Variants in SMG6 observed in about 807,000 individuals in gnomAD.
SMG6 encodes the protein SMG6 nonsense mediated mRNA decay factor, also known as telomerase-binding protein EST1A.
In SMG6, 66 loss-of-function variants were observed where a neutral mutation model predicts 142.2. The observed-to-expected ratio is 0.46, with a 90% confidence interval of 0.38 to 0.57. SMG6 has a LOEUF of 0.57. Among genes scored for constraint, SMG6 ranks in the 20% least tolerant of loss-of-function variants. The pLI is 0.00. For missense variants in SMG6, 1,793 were observed against 1,832.0 expected, an observed-to-expected ratio of 0.98 and a Z score of 0.39; for synonymous variants, 779 against 702.4, an observed-to-expected ratio of 1.11 and a Z score of -1.72.
At chr17:2,136,205 G>A (rs1842258199) in intron 13 of SMG6, among the ~76,000 whole-genome samples, 1 of 151,884 alleles carries the variant, frequency 6.6e-6, no homozygotes, top group Admixed American at 6.6e-5. Context: ...GGGATTACAG[G>A]CATGCACACC....
intron 9 of SMG6, chr17:2,237,032 T>A: frequency 6.0e-6 from 1 of 166,804 alleles, no homozygotes; most frequent in Non-Finnish European, 1.2e-5. Context: ...CTAAACTCTC[T>A]GGTATGAAAC....
At chr17:2,279,553 T>C (rs1567742688) in intron 8 of SMG6, among the ~76,000 whole-genome samples, 1 of 152,276 alleles carries the variant, frequency 6.6e-6, no homozygotes, top group East Asian at 1.9e-4. Context: ...GAAAAGACCA[T>C]TATGAACTTC....
At chr17:2,287,957 A>C (rs2074943901) in intron 6 of SMG6, among the ~76,000 whole-genome samples, 1 of 152,208 alleles carries the variant, frequency 6.6e-6, no homozygotes. Flanking sequence ...AATGAAAAGC[A>C]TTCTGGAGGT....
chr17:2,295,746 CAG>C (rs1470616396), intron 4 of SMG6, among the ~76,000 whole-genome samples: 3 of 152,146 alleles, frequency 2.0e-5, no homozygotes, highest in African/African-American at 4.8e-5. Flanking sequence ...TCCTGACCTC[CAG>C]AGAGACCACA....
At chr17:2,241,823 T>C (rs1176467938) in intron 9 of SMG6, among the ~76,000 whole-genome samples, 1 of 152,200 alleles carries the variant, frequency 6.6e-6, no homozygotes, top group Admixed American at 6.5e-5. Context: ...TAAAAATATA[T>C]CCTAAATGTT....
intron 10 of SMG6, among the ~76,000 whole-genome samples, chr17:2,225,743 CA>C (rs2073296744): frequency 1.3e-5 from 2 of 151,998 alleles, no homozygotes; most frequent in Non-Finnish European, 2.9e-5. Context: ...TTGATTTTGG[CA>C]AGGTGAAGTA....
intron 13 of SMG6, among the ~76,000 whole-genome samples, chr17:2,132,757 C>T (rs1385177402): frequency 6.6e-6 from 1 of 152,086 alleles, no homozygotes; most frequent in Non-Finnish European, 1.5e-5. Context: ...AGAAAGGGGA[C>T]AGTGAAGAGA....
At position 2,070,424 on chromosome 17, in the gene SMG6, C is replaced by T. The variant is rs193176323; in HGVS notation, c.3682-1493G>A. 5.9e-5 allele frequency among the ~76,000 whole-genome samples: 9 copies of T among 152,328 alleles called. No homozygotes were observed. The East Asian group carries it at 1.7e-3, about 29-fold the overall frequency. On this transcript the variant is annotated intron_variant, in intron 15 of 18. Coordinates refer to ENST00000263073, the MANE Select transcript of SMG6 (RefSeq NM_017575.5). ...CCAGCCCTGTCACACCCTCTCATGG[C>T]CTTCTGCCACAGAGCAACTTGCAGA...
At position 2,092,811 on chromosome 17, in the gene SMG6, A is replaced by C. The variant is rs74875553; in HGVS notation, c.3358-6910T>G. On this transcript the variant is annotated intron_variant, in intron 13 of 18. Coordinates refer to ENST00000263073, the MANE Select transcript of SMG6 (RefSeq NM_017575.5). ...TCATAGTTACACAGACGTGAGTTCA[A>C]GTACTAACTGCCACTTCCTGGCTGT... Among the ~76,000 whole-genome samples, 1,176 of 152,386 alleles carry C rather than the reference A, an allele frequency of 7.7e-3. 16 individuals carry two copies. The highest frequency in any genetic ancestry group is 0.012 in the Non-Finnish European group (796 of 68,036).
At chr17:2,088,585 G>C in intron 13 of SMG6, 1 of 985,476 alleles carries the variant, frequency 1.0e-6, no homozygotes. Flanking sequence ...AACAGGCCTG[G>C]AAAGGATTCT....
At chr17:2,093,433 A>G (rs755570314) in intron 13 of SMG6, among the ~76,000 whole-genome samples, 1 of 152,120 alleles carries the variant, frequency 6.6e-6, no homozygotes, top group Non-Finnish European at 1.5e-5. Flanking sequence ...AAAAAGAAAA[A>G]AAAAGACAGA....
chr17:2,163,534 C>T (rs1244542542), intron 13 of SMG6, among the ~76,000 whole-genome samples: 1 of 152,100 alleles, frequency 6.6e-6, no homozygotes, highest in Non-Finnish European at 1.5e-5. Flanking sequence ...GATTTTTGTA[C>T]AATGGCTTCA....
At chr17:2,137,203 C>G (rs536511677) in intron 13 of SMG6, among the ~76,000 whole-genome samples, 1 of 152,180 alleles carries the variant, frequency 6.6e-6, no homozygotes, top group East Asian at 1.9e-4. Context: ...GGTTTGAATG[C>G]AGGTTACTAA....
intron 13 of SMG6, among the ~76,000 whole-genome samples, chr17:2,168,954 G>C (rs1242610304): frequency 6.6e-6 from 1 of 151,384 alleles, no homozygotes; most frequent in East Asian, 2.0e-4. Context: ...CACAATGTTG[G>C]CCAGGCTGGT....
intron 13 of SMG6, among the ~76,000 whole-genome samples, chr17:2,168,706 G>A (rs963104471): frequency 2.0e-5 from 3 of 151,880 alleles, no homozygotes; most frequent in South Asian, 2.1e-4. Context: ...GTGAGACCCC[G>A]TCTCTATTAA....
chr17:2,290,235 C>G (rs1409790781), intron 6 of SMG6, among the ~76,000 whole-genome samples: 2 of 152,120 alleles, frequency 1.3e-5, no homozygotes, highest in East Asian at 3.8e-4. Flanking sequence ...AATAAAGTTA[C>G]AGGAACCAAG....
At chr17:2,100,700 C>T (rs1324761116) in intron 13 of SMG6, among the ~76,000 whole-genome samples, 1 of 152,142 alleles carries the variant, frequency 6.6e-6, no homozygotes, top group Non-Finnish European at 1.5e-5. Context: ...CACACCATCA[C>T]ATCCAGCTAA....
At chr17:2,143,101 C>T (rs997509192) in intron 13 of SMG6, among the ~76,000 whole-genome samples, 1 of 151,934 alleles carries the variant, frequency 6.6e-6, no homozygotes, top group African/African-American at 2.4e-5. Context: ...GAAATTGAAC[C>T]CTCATACATT....
chr17:2,255,114 G>A (rs1443591067), intron 8 of SMG6, among the ~76,000 whole-genome samples: 1 of 151,818 alleles, frequency 6.6e-6, no homozygotes, highest in Non-Finnish European at 1.5e-5. Context: ...GTTAAAGAAT[G>A]TGATCTTCGG....
Sources: allele counts gnomAD v4.1 joint callset (sites outside exome capture counted in the v4.1 genomes callset), GRCh38; gene constraint gnomAD v4.1.1; transcripts MANE v1.5; gene names NCBI Gene and HGNC (gene_info 2026-07-23, HGNC 2026-07-21).